The following CYRIB variants were observed in gnomAD, a reference collection of about 807,000 sequenced individuals.
CYRIB encodes the protein CYFIP related Rac1 interactor B.
CYRIB carries 8 observed loss-of-function variants against 44.2 expected under a neutral mutation model. The ratio of observed to expected loss-of-function variants is 0.18; its 90% CI spans 0.11 to 0.33. The LOEUF (loss-of-function observed/expected upper bound fraction) is 0.33. CYRIB is among the 10% of genes least tolerant of loss of function. The pLI is 1.00. For synonymous variants in CYRIB, 131 were observed against 127.2 expected (o/e 1.03, Z -0.20); for missense variants, 185 against 382.8 (o/e 0.48, Z 4.31).
chr8:130,016,503 C>CGCGGCGGCAGCAGCA (rs1554802108), upstream of CYRIB: 3 of 156,026 alleles, frequency 1.9e-5, no homozygotes, highest in African/African-American at 7.3e-5. Context: ...CTGCCCCCGC[C>CGCGGCGGCAGCAGCA]GCGGCGGCAG....
chr8:129,983,301 G>C (rs1486601009), intron 1 of CYRIB, among the ~76,000 whole-genome samples: 1 of 151,880 alleles, frequency 6.6e-6, no homozygotes, highest in Non-Finnish European at 1.5e-5. Flanking sequence ...AAAAATTAGC[G>C]AGGCGTGGTG....
chr8:129,922,476 AAAAAG>A (rs1334251881), intron 1 of CYRIB, among the ~76,000 whole-genome samples: 13 of 152,320 alleles, frequency 8.5e-5, no homozygotes, highest in African/African-American at 3.1e-4. Flanking sequence ...CAGGATAATT[AAAAAG>A]AAAACTTTGT....
At chr8:129,846,682 T>C in intron 11 of CYRIB, 122 bp downstream of exon 13, 1 of 651,224 alleles carries the variant, frequency 1.5e-6, no homozygotes, top group South Asian at 1.9e-5. Flanking sequence ...AAGATCTTCA[T>C]ATTTCTAGCT....
chr8:130,007,591 C>A (rs2097131404), intron 1 of CYRIB, among the ~76,000 whole-genome samples: 1 of 151,872 alleles, frequency 6.6e-6, no homozygotes, highest in Non-Finnish European at 1.5e-5. Context: ...TCGAGACCAG[C>A]CTGCCCAACA....
intron 1 of CYRIB, among the ~76,000 whole-genome samples, chr8:129,912,188 A>G (rs1044769065): frequency 6.6e-6 from 1 of 152,184 alleles, no homozygotes; most frequent in Non-Finnish European, 1.5e-5. Flanking sequence ...AGGCAAATAA[A>G]GCTTTACAGT....
intron 2 of CYRIB, among the ~76,000 whole-genome samples, chr8:129,888,692 T>C (rs2063777273): frequency 6.6e-6 from 1 of 152,216 alleles, no homozygotes; most frequent in Non-Finnish European, 1.5e-5. Flanking sequence ...TGTCTTCCTC[T>C]GAGTAGGCAG....
At chr8:129,896,472 CTT>C (rs1433562283) in intron 2 of CYRIB, among the ~76,000 whole-genome samples, 1 of 152,214 alleles carries the variant, frequency 6.6e-6, no homozygotes, top group Admixed American at 6.5e-5. Flanking sequence ...CCACAATACT[CTT>C]TACCACCTCT....
intron 2 of CYRIB, among the ~76,000 whole-genome samples, chr8:129,889,333 G>T (rs1358042416): frequency 6.6e-6 from 1 of 152,196 alleles, no homozygotes; most frequent in East Asian, 1.9e-4. Context: ...TGTGTAAGGA[G>T]ATTAACGCTG....
In CYRIB at chr8:129,974,404, T is replaced by G. The variant is rs189982436; in HGVS notation, c.-295-3409A>C. ...TAATGTTTGCAAGTCGAATGGAAGCTTTCCTTTCTCTGACCAATTTTGCCA... is the reference window on the plus strand; with the variant it reads ...TAATGTTTGCAAGTCGAATGGAAGCGTTCCTTTCTCTGACCAATTTTGCCA... On this transcript the variant is annotated intron_variant, in intron 1 of 14. Transcript: ENST00000401979. Among the ~76,000 whole-genome samples, 36 of 152,264 alleles carry G rather than the reference T, an allele frequency of 2.4e-4. No homozygotes were observed. In the East Asian group the frequency reaches 5.4e-3, roughly 23 times the overall value.
chr8:129,982,996 T>G (rs1174749549), intron 1 of CYRIB, among the ~76,000 whole-genome samples: 1 of 143,748 alleles, frequency 7.0e-6, no homozygotes, highest in Admixed American at 7.1e-5. Flanking sequence ...CAATTATACC[T>G]TAGTAGAGCT....
chr8:129,974,580 A>C (rs2095841116), intron 1 of CYRIB, among the ~76,000 whole-genome samples: 1 of 152,122 alleles, frequency 6.6e-6, no homozygotes, highest in South Asian at 2.1e-4. Flanking sequence ...TATGTGATCT[A>C]AGGCTATAAT....
chr8:129,891,296 T>C (rs1180026446), intron 2 of CYRIB, among the ~76,000 whole-genome samples: 3 of 152,270 alleles, frequency 2.0e-5, no homozygotes, highest in East Asian at 1.9e-4. Context: ...GTGAACTAAA[T>C]ACATATATTA....
At chr8:130,002,575 T>G (rs986509388) in intron 1 of CYRIB, among the ~76,000 whole-genome samples, 6 of 152,046 alleles carry the variant, frequency 3.9e-5, no homozygotes, top group African/African-American at 1.4e-4. Flanking sequence ...GGAAAGAATA[T>G]CTCCATATTC....
chr8:129,936,436 C>A (rs376301988), intron 1 of CYRIB, among the ~76,000 whole-genome samples: 3 of 152,028 alleles, frequency 2.0e-5, no homozygotes, highest in African/African-American at 4.8e-5. Context: ...AATACTACAG[C>A]GTAATTAAGA....
At chr8:129,862,602 C>G (rs927549531) in intron 4 of CYRIB, among the ~76,000 whole-genome samples, 5 of 152,106 alleles carry the variant, frequency 3.3e-5, no homozygotes, top group African/African-American at 1.2e-4. Context: ...TCCCAAGTAG[C>G]TGGGACTACA....
intron 1 of CYRIB, among the ~76,000 whole-genome samples, chr8:129,909,092 AAG>A (rs2076823125): frequency 1.3e-5 from 2 of 152,102 alleles, no homozygotes; most frequent in Admixed American, 1.3e-4. Flanking sequence ...ATGCCTGACC[AAG>A]AAATTCTTAA....
intron 4 of CYRIB, 121 bp downstream of exon 6, chr8:129,871,254 G>A: frequency 1.7e-6 from 2 of 1,144,040 alleles, no homozygotes; most frequent in Non-Finnish European, 2.4e-6. Flanking sequence ...TGCCAAGTGA[G>A]CATCCTTCAA....
intron 2 of CYRIB, among the ~76,000 whole-genome samples, chr8:129,955,869 T>C (rs1307754488): frequency 6.6e-6 from 1 of 152,212 alleles, no homozygotes; most frequent in East Asian, 1.9e-4. Context: ...AATGTGCTTC[T>C]AAGCACCAAT....
At chr8:130,006,658 A>ATGTG (rs1236638818) in intron 1 of CYRIB, among the ~76,000 whole-genome samples, 1 of 128,366 alleles carries the variant, frequency 7.8e-6, no homozygotes, top group African/African-American at 2.9e-5. Context: ...ATACATATAT[A>ATGTG]TATGTATATA....
Sources: allele counts gnomAD v4.1 joint callset (sites outside exome capture counted in the v4.1 genomes callset), GRCh38; gene constraint gnomAD v4.1.1; transcripts MANE v1.5; gene names NCBI Gene and HGNC (gene_info 2026-07-23, HGNC 2026-07-21).